Variants in CSMD1 observed in about 807,000 individuals in gnomAD.
CSMD1 encodes the protein CUB and sushi domain-containing protein 1.
Under a neutral mutation model 417.5 loss-of-function variants are expected in CSMD1, and 213 were observed. That is an observed-to-expected ratio of 0.51 (90% CI 0.46 to 0.57). The LOEUF (loss-of-function observed/expected upper bound fraction) is 0.57. Among genes scored for constraint, CSMD1 ranks in the 20% least tolerant of loss-of-function variants. The pLI is 0.00. For synonymous variants in CSMD1, 2,862 were observed against 1,736.8 expected (o/e 1.65, Z -16.11); for missense variants, 6,923 against 4,529.7 (o/e 1.53, Z -15.17).
chr8:3,312,010 T>C (rs1182507453), intron 23 of CSMD1, among the ~76,000 whole-genome samples: 1 of 152,210 alleles, frequency 6.6e-6, no homozygotes, highest in Non-Finnish European at 1.5e-5. Flanking sequence ...AATAGGCTTA[T>C]TTTAAAATTA....
chr8:3,308,351 C>A lies in CSMD1; in HGVS notation c.3784G>T (p.Asp1262Tyr). 6.2e-7 allele frequency: 1 copy of A among 1,613,486 alleles called. No homozygotes were observed. The highest frequency in any genetic ancestry group is 8.5e-7 in the Non-Finnish European group (1 of 1,179,580). ...AGTGGTTTGTCCCACACTCTCCTGT[C>A]TCCACTCAAACAGGTCAGGGTGTTG... The part of the protein sequence containing the change: ...GSNTLTCLSG[D>Y]RRVWDKPLPS... Residue 1262 changes from aspartate (D) to tyrosine (Y), a missense_variant, in exon 24 of 70, where the codon GAC becomes TAC. Transcript: ENST00000635120.
chr8:3,205,920 T>C (rs185082714), intron 30 of CSMD1, among the ~76,000 whole-genome samples: 97 of 152,196 alleles, frequency 6.4e-4, no homozygotes, highest in African/African-American at 2.2e-3. Context: ...TAAAGACAAA[T>C]GATTAAATTA....
At chr8:3,468,928 T>G in intron 11 of CSMD1, 104 bp from the exon 12 acceptor site, 1 of 663,860 alleles carries the variant, frequency 1.5e-6, no homozygotes, top group Non-Finnish European at 2.6e-6. Flanking sequence ...ACCCTAGATA[T>G]ATAGGTAGCA....
chr8:2,985,571 T>C (rs925477185), intron 54 of CSMD1, among the ~76,000 whole-genome samples: 10 of 152,358 alleles, frequency 6.6e-5, no homozygotes, highest in African/African-American at 2.4e-4. Flanking sequence ...CTCCTTATAG[T>C]TTTCTTCTGA....
chr8:3,932,625 T>G (rs1810231238), intron 5 of CSMD1, among the ~76,000 whole-genome samples: 1 of 150,436 alleles, frequency 6.6e-6, no homozygotes, highest in Admixed American at 6.6e-5. Flanking sequence ...CACCAAACAT[T>G]TATATTGACA....
intron 37 of CSMD1, among the ~76,000 whole-genome samples, chr8:3,171,147 A>T (rs1820558970): frequency 6.6e-6 from 1 of 152,218 alleles, no homozygotes; most frequent in Non-Finnish European, 1.5e-5. Flanking sequence ...AGAAATAAAC[A>T]AGTGCCCCAA....
rs1366568959 is a variant in CSMD1 at position 3,593,403 on chromosome 8, C to G, written c.1098-7143G>C. On this transcript the variant is annotated intron_variant, in intron 8 of 69. Transcript: ENST00000635120. ...GAAGGTCAAGCCCATGAGCCTCCCCCAGGTCCACCTGCCTCCAGGGCAGAG... is the reference window on the plus strand; with the variant it reads ...GAAGGTCAAGCCCATGAGCCTCCCCGAGGTCCACCTGCCTCCAGGGCAGAG... Among the ~76,000 whole-genome samples the G allele has an allele frequency of 2.6e-5, 4 of 152,328 alleles. No individual in the cohort carries two copies. The East Asian group carries it at 5.8e-4, about 22-fold the overall frequency.
At chr8:4,895,297 G>A (rs1247721407) in intron 1 of CSMD1, among the ~76,000 whole-genome samples, 1 of 152,070 alleles carries the variant, frequency 6.6e-6, no homozygotes, top group Non-Finnish European at 1.5e-5. Context: ...TGGTAAGTCC[G>A]TATGACTTAG....
At chr8:4,167,853 C>T (rs775771350) in intron 3 of CSMD1, among the ~76,000 whole-genome samples, 5 of 152,070 alleles carry the variant, frequency 3.3e-5, no homozygotes, top group Non-Finnish European at 5.9e-5. Context: ...AAAGGCCAGA[C>T]ATGATGGCTT....
intron 2 of CSMD1, among the ~76,000 whole-genome samples, chr8:4,517,418 A>T (rs1310798304): frequency 2.0e-5 from 3 of 152,210 alleles, no homozygotes; most frequent in Non-Finnish European, 4.4e-5. Flanking sequence ...TATAACACGC[A>T]GATAATAAAG....
chr8:4,643,184 A>C (rs776358768), intron 1 of CSMD1, among the ~76,000 whole-genome samples: 1 of 152,238 alleles, frequency 6.6e-6, no homozygotes, highest in Non-Finnish European at 1.5e-5. Flanking sequence ...GTTTGCAAAA[A>C]GCCCAGATCA....
At chr8:4,175,704 G>A (rs993864029) in intron 3 of CSMD1, among the ~76,000 whole-genome samples, 1 of 152,112 alleles carries the variant, frequency 6.6e-6, no homozygotes, top group Non-Finnish European at 1.5e-5. Context: ...ACAGAAGGGA[G>A]AATTTTATTG....
chr8:3,453,969 G>A (rs536451704), intron 12 of CSMD1, among the ~76,000 whole-genome samples: 1 of 152,240 alleles, frequency 6.6e-6, no homozygotes, highest in East Asian at 1.9e-4. Flanking sequence ...AGGTCTCTAA[G>A]GACTTGCTTT....
At chr8:4,854,459 C>T (rs144988124) in intron 1 of CSMD1, among the ~76,000 whole-genome samples, 37 of 152,256 alleles carry the variant, frequency 2.4e-4, no homozygotes, top group African/African-American at 7.9e-4. Context: ...CCACTGTGAG[C>T]GACGCAGAAG....
At chr8:4,922,832 T>C (rs1217326070) in intron 1 of CSMD1, among the ~76,000 whole-genome samples, 1 of 152,234 alleles carries the variant, frequency 6.6e-6, no homozygotes, top group Non-Finnish European at 1.5e-5. Flanking sequence ...ACTTGAGGAA[T>C]TCCTTTACCA....
At chr8:4,145,710 A>T (rs573029530) in intron 3 of CSMD1, among the ~76,000 whole-genome samples, 1 of 151,116 alleles carries the variant, frequency 6.6e-6, no homozygotes, top group South Asian at 2.1e-4. Context: ...TTCTTAATGA[A>T]GAACATATAT....
chr8:4,716,087 G>T (rs1808635439), intron 1 of CSMD1, among the ~76,000 whole-genome samples: 1 of 152,144 alleles, frequency 6.6e-6, no homozygotes, highest in African/African-American at 2.4e-5. Context: ...GCTGGGTTGG[G>T]GGCAGGGACT....
At chr8:3,439,300 TA>T (rs1563390448) in intron 12 of CSMD1, among the ~76,000 whole-genome samples, 616 of 57,612 alleles carry the variant, frequency 0.011, 26 homozygotes, top group Middle Eastern at 0.048. Context: ...TATATATATA[TA>T]TATATATATT....
intron 5 of CSMD1, among the ~76,000 whole-genome samples, chr8:3,963,367 A>C (rs1365523468): frequency 6.6e-6 from 1 of 152,218 alleles, no homozygotes; most frequent in Non-Finnish European, 1.5e-5. Flanking sequence ...TTTACTTAGC[A>C]AGATTTTCAG....
Sources: allele counts gnomAD v4.1 joint callset (sites outside exome capture counted in the v4.1 genomes callset), GRCh38; gene constraint gnomAD v4.1.1; transcripts MANE v1.5; gene names NCBI Gene and HGNC (gene_info 2026-07-23, HGNC 2026-07-21).